Variants in TNKS observed in about 807,000 individuals in gnomAD.
The protein encoded by TNKS is tankyrase, also known as poly [ADP-ribose] polymerase tankyrase-1.
A neutral mutation model predicts 135.8 loss-of-function variants in TNKS; 72 were observed. The ratio of observed to expected loss-of-function variants is 0.53; its 90% CI spans 0.44 to 0.64. The LOEUF is 0.64. Among genes scored for constraint, TNKS ranks in the 30% least tolerant of loss-of-function variants. The pLI is 0.00. For synonymous variants in TNKS, 849 were observed against 649.3 expected, an observed-to-expected ratio of 1.31 and a Z score of -4.68; for missense variants, 1,769 against 1,674.0, an observed-to-expected ratio of 1.06 and a Z score of -0.99.
At chr8:9,626,128 T>C (rs1274497376) in intron 3 of TNKS, among the ~76,000 whole-genome samples, 1 of 152,228 alleles carries the variant, frequency 6.6e-6, no homozygotes, top group Non-Finnish European at 1.5e-5. Context: ...GTTATAAATG[T>C]GATTGACCCT....
intron 3 of TNKS, among the ~76,000 whole-genome samples, chr8:9,641,242 G>A (rs1448555701): frequency 1.4e-5 from 2 of 143,602 alleles, no homozygotes; most frequent in African/African-American, 2.6e-5. Flanking sequence ...GGAGTTGAAT[G>A]TGTTGTTAAC....
intron 3 of TNKS, among the ~76,000 whole-genome samples, chr8:9,622,049 T>A (rs1799886754): frequency 6.6e-6 from 1 of 152,236 alleles, no homozygotes. Flanking sequence ...TAATCTTGTA[T>A]AATTTTGGAC....
intron 17 of TNKS, chr8:9,741,786 C>A (rs759443879): frequency 1.7e-5 from 8 of 484,094 alleles, no homozygotes; most frequent in Admixed American, 1.6e-4. Flanking sequence ...TCTAACTTCA[C>A]GTTCCCTTGA....
chr8:9,626,765 A>G (rs1800070761), intron 3 of TNKS, among the ~76,000 whole-genome samples: 1 of 152,152 alleles, frequency 6.6e-6, no homozygotes, highest in African/African-American at 2.4e-5. Context: ...GGAGTTTTTA[A>G]TTATTGCTGC....
chr8:9,732,308 A>G (rs1292916533), intron 14 of TNKS, among the ~76,000 whole-genome samples: 1 of 152,212 alleles, frequency 6.6e-6, no homozygotes. Context: ...TAGAAATGTG[A>G]GAAAGGTATT....
chr8:9,668,716 G>C (rs1183217844), intron 3 of TNKS, among the ~76,000 whole-genome samples: 2 of 152,162 alleles, frequency 1.3e-5, no homozygotes, highest in Admixed American at 6.5e-5. Context: ...CAAATGATTG[G>C]AGCTTAGATC....
At chr8:9,653,626 C>G (rs367891691) in intron 3 of TNKS, among the ~76,000 whole-genome samples, 10 of 152,190 alleles carry the variant, frequency 6.6e-5, no homozygotes, top group African/African-American at 2.4e-4. Flanking sequence ...GGAGAACTCA[C>G]TTCTACTCCA....
intron 1 of TNKS, among the ~76,000 whole-genome samples, chr8:9,565,169 G>A (rs182104815): frequency 6.6e-6 from 1 of 152,172 alleles, no homozygotes; most frequent in Non-Finnish European, 1.5e-5. Context: ...TGTTTTGCCA[G>A]TTTGTTCAGG....
At chr8:9,654,131 A>T (rs1223963725) in intron 3 of TNKS, among the ~76,000 whole-genome samples, 1 of 152,196 alleles carries the variant, frequency 6.6e-6, no homozygotes, top group Admixed American at 6.5e-5. Flanking sequence ...CTGCAGATAG[A>T]GTGTGATGAT....
intron 3 of TNKS, among the ~76,000 whole-genome samples, chr8:9,636,940 T>G (rs1800534970): frequency 6.6e-6 from 1 of 152,188 alleles, no homozygotes; most frequent in Admixed American, 6.5e-5. Context: ...TTAGAGTACC[T>G]TAATATTGTA....
chr8:9,741,572 G>A (rs74939454), intron 17 of TNKS: 26,459 of 304,056 alleles, frequency 0.087, 1,464 homozygotes, highest in South Asian at 0.16. Context: ...TACTGCATTA[G>A]TCTTCACCTT....
chr8:9,691,259 A>G (rs1178780820), intron 5 of TNKS, among the ~76,000 whole-genome samples: 2 of 71,628 alleles, frequency 2.8e-5, no homozygotes, highest in Admixed American at 1.7e-4. Context: ...CAATTTCAAT[A>G]TTGTTATTCT....
At chr8:9,630,927 A>G (rs1800266037) in intron 3 of TNKS, among the ~76,000 whole-genome samples, 1 of 152,222 alleles carries the variant, frequency 6.6e-6, no homozygotes, top group Non-Finnish European at 1.5e-5. Context: ...TATCTAATGT[A>G]AAGCCTCCTT....
intron 1 of TNKS, among the ~76,000 whole-genome samples, chr8:9,570,211 G>A (rs189288670): frequency 1.3e-5 from 2 of 152,256 alleles, no homozygotes; most frequent in Admixed American, 6.5e-5. Flanking sequence ...AGTCCAAGGT[G>A]GGAGGATTGC....
At chr8:9,649,626 C>G (rs752242137) in intron 3 of TNKS, among the ~76,000 whole-genome samples, 14 of 151,552 alleles carry the variant, frequency 9.2e-5, no homozygotes, top group Non-Finnish European at 1.9e-4. Flanking sequence ...TCATCCCCCT[C>G]TCACCCTTCC....
intron 3 of TNKS, among the ~76,000 whole-genome samples, chr8:9,664,589 T>C (rs1255508802): frequency 2.2e-4 from 33 of 152,190 alleles, no homozygotes; most frequent in Non-Finnish European, 1.5e-5. Flanking sequence ...ATTTAGGGGC[T>C]ATGTGCCAGG....
At position 9,730,459 on chromosome 8, in the gene TNKS, C is replaced by T. The variant is rs371428605; in HGVS notation, c.2002-431C>T. Reference sequence around the variant, plus strand: ...TAATTCTCCAGACCCTTTTTGCTTGCTTGACTCACATTAGAGACGGCAAGA... The same window carrying T: ...TAATTCTCCAGACCCTTTTTGCTTGTTTGACTCACATTAGAGACGGCAAGA... On this transcript the variant is annotated intron_variant, in intron 13 of 26. Transcript: ENST00000310430. Among the ~76,000 whole-genome samples the T allele has an allele frequency of 3.1e-4, 47 of 152,186 alleles. No homozygotes were observed. The South Asian group carries it at 9.3e-3, about 30-fold the overall frequency.
intron 18 of TNKS, among the ~76,000 whole-genome samples, chr8:9,750,746 G>C (rs561694825): frequency 5.3e-5 from 8 of 152,322 alleles, no homozygotes; most frequent in African/African-American, 1.9e-4. Flanking sequence ...GGTTTAACGT[G>C]ACAATTTATT....
intron 5 of TNKS, among the ~76,000 whole-genome samples, chr8:9,686,650 T>C (rs1585327305): frequency 6.6e-6 from 1 of 152,224 alleles, no homozygotes; most frequent in African/African-American, 2.4e-5. Context: ...TTTACGTCTT[T>C]AGATATGTTC....
Sources: gnomAD v4.1 joint callset for allele counts (sites outside exome capture counted in the v4.1 genomes callset) on GRCh38, gnomAD v4.1.1 for gene constraint, MANE v1.5 for transcripts, NCBI Gene and HGNC (gene_info 2026-07-23, HGNC 2026-07-21) for gene names.